The following FSTL4 variants were observed in gnomAD, a reference collection of about 807,000 sequenced individuals.
FSTL4 encodes the protein follistatin-related protein 4.
A neutral mutation model predicts 78.2 loss-of-function variants in FSTL4; 28 were observed. The observed-to-expected ratio is 0.36, with a 90% CI of 0.27 to 0.49. The LOEUF (loss-of-function observed/expected upper bound fraction) is 0.49, where lower values mean the gene tolerates loss of function less well. Ranked by LOEUF, FSTL4 falls within the 20% of genes least tolerant of loss-of-function variation. The probability of loss-of-function intolerance (pLI) is 0.98; values close to 1 mark genes in which losing one functional copy is unlikely to be tolerated. For synonymous variants in FSTL4, 422 were observed against 440.5 expected (o/e 0.96, Z 0.53); for missense variants, 922 against 1,084.9 (o/e 0.85, Z 2.11).
At chr5:133,753,727 G>GTGTGTGTGTGTGTGTA in the FSTL4 span, among the ~76,000 whole-genome samples, 404 of 134,862 alleles carry the variant, frequency 3.0e-3, no homozygotes, top group Non-Finnish European at 3.7e-3. Context: ...GTGTGTGTGT[G>GTGTGTGTGTGTGTGTA]TAGTGGCAGG....
At chr5:133,437,286 G>T (rs188907485) in intron 3 of FSTL4, among the ~76,000 whole-genome samples, 3 of 152,262 alleles carry the variant, frequency 2.0e-5, no homozygotes, top group Non-Finnish European at 2.9e-5. Context: ...CAGAGCAGAG[G>T]TCTAAGTAGG....
chr5:133,778,353 T>G, the FSTL4 span, among the ~76,000 whole-genome samples: 1 of 151,622 alleles, frequency 6.6e-6, no homozygotes, highest in Non-Finnish European at 1.5e-5. Flanking sequence ...AAAAAAAAAA[T>G]GTCCCTTGGG....
At chr5:133,381,974 GGTT>G (rs1246765473) in intron 4 of FSTL4, among the ~76,000 whole-genome samples, 1 of 152,206 alleles carries the variant, frequency 6.6e-6, no homozygotes, top group Non-Finnish European at 1.5e-5. Context: ...AGGAAATGGG[GGTT>G]TAAGTGAATG....
the FSTL4 span, among the ~76,000 whole-genome samples, chr5:133,665,760 A>G: frequency 3.3e-5 from 5 of 152,232 alleles, no homozygotes. Flanking sequence ...GGTACATAAC[A>G]GAGGGGGCTG....
chr5:133,428,061 C>T (rs1580702322), intron 3 of FSTL4, among the ~76,000 whole-genome samples: 1 of 152,140 alleles, frequency 6.6e-6, no homozygotes, highest in Non-Finnish European at 1.5e-5. Flanking sequence ...GTGTGAATAA[C>T]AATACCTCAG....
intron 2 of FSTL4, among the ~76,000 whole-genome samples, chr5:133,577,779 A>G (rs1760315756): frequency 6.6e-6 from 1 of 152,102 alleles, no homozygotes; most frequent in South Asian, 2.1e-4. Flanking sequence ...GGTGGTGCCT[A>G]CCTGTAGTCC....
chr5:133,801,430 C>T, the FSTL4 span, among the ~76,000 whole-genome samples: 11 of 152,230 alleles, frequency 7.2e-5, no homozygotes, highest in African/African-American at 2.7e-4. Flanking sequence ...ACCACCGTGT[C>T]CCAAACCAAT....
chr5:133,493,649 C>T (rs1398242562), intron 3 of FSTL4, among the ~76,000 whole-genome samples: 1 of 152,172 alleles, frequency 6.6e-6, no homozygotes, highest in Non-Finnish European at 1.5e-5. Context: ...GTGGCCCGTG[C>T]TGGGTCTGAC....
In FSTL4 at chr5:133,611,293, A is replaced by T. The variant is rs1306469860; in HGVS notation, c.-11+1032T>A. ...GGAGGCTCGCCGCGCTCTGGAAAAC[A>T]AGAAACCCCACTGCCTCGGCGGCTT... On this transcript the variant is annotated intron_variant, in intron 1 of 15. Transcript: ENST00000265342. This position sits in a 1 kb window ranked among gnomAD's most constrained non-coding sequence, Gnocchi z 4.9. Among the ~76,000 whole-genome samples the T allele has an allele frequency of 6.6e-6, 1 of 152,138 alleles. No individual in the cohort carries two copies. Among genetic ancestry groups the T allele is most frequent in the Non-Finnish European group, 1.5e-5 (1 of 68,008 alleles).
chr5:133,237,714 ATTACT>A (rs1045649093), intron 7 of FSTL4, among the ~76,000 whole-genome samples: 1 of 152,220 alleles, frequency 6.6e-6, no homozygotes, highest in African/African-American at 2.4e-5. Context: ...AGAAGAGAAA[ATTACT>A]TTAACAATTG....
chr5:133,607,302 T>A (rs1396165763), intron 1 of FSTL4, among the ~76,000 whole-genome samples: 2 of 152,188 alleles, frequency 1.3e-5, no homozygotes, highest in Admixed American at 6.5e-5. Context: ...AAAAAGGAAT[T>A]AATATTGGGT....
intron 3 of FSTL4, among the ~76,000 whole-genome samples, chr5:133,434,001 G>A (rs1396631629): frequency 6.6e-6 from 1 of 152,122 alleles, no homozygotes; most frequent in Non-Finnish European, 1.5e-5. Flanking sequence ...GGAAAGCCCT[G>A]GAGGGTTTTA....
At chr5:133,363,504 G>C (rs929970621) in intron 4 of FSTL4, among the ~76,000 whole-genome samples, 13 of 152,076 alleles carry the variant, frequency 8.5e-5, no homozygotes, top group Non-Finnish European at 1.8e-4. Context: ...CCTGACCACC[G>C]CAGCCTGAAG....
At chr5:133,682,983 C>A in the FSTL4 span, among the ~76,000 whole-genome samples, 3 of 152,162 alleles carry the variant, frequency 2.0e-5, no homozygotes, top group Non-Finnish European at 2.9e-5. Context: ...ACCCAAGTGA[C>A]TAATATCAAG....
chr5:133,766,156 G>A, the FSTL4 span, among the ~76,000 whole-genome samples: 1 of 152,144 alleles, frequency 6.6e-6, no homozygotes, highest in African/African-American at 2.4e-5. Context: ...AGCAAACCTT[G>A]GCCTATGGGG....
intron 7 of FSTL4, among the ~76,000 whole-genome samples, chr5:133,235,749 T>C (rs1751641316): frequency 6.6e-6 from 1 of 152,208 alleles, no homozygotes; most frequent in Non-Finnish European, 1.5e-5. Flanking sequence ...TTTTCTACCA[T>C]TCTGCGGAAG....
At chr5:133,823,411 T>C in the FSTL4 span, among the ~76,000 whole-genome samples, 6 of 152,112 alleles carry the variant, frequency 3.9e-5, no homozygotes, top group African/African-American at 1.4e-4. Flanking sequence ...ACTCTCCTCC[T>C]CTCCAGGGGC....
At chr5:133,452,172 C>T (rs1757397173) in intron 3 of FSTL4, among the ~76,000 whole-genome samples, 1 of 152,214 alleles carries the variant, frequency 6.6e-6, no homozygotes, top group Non-Finnish European at 1.5e-5. Context: ...AAGCTGGCTG[C>T]CTGGCCTCAC....
chr5:133,832,055 A>G, the FSTL4 span, among the ~76,000 whole-genome samples: 1 of 152,072 alleles, frequency 6.6e-6, no homozygotes, highest in South Asian at 2.1e-4. Flanking sequence ...AATGACTCGC[A>G]TTTTCTTATT....
Sources: gnomAD v4.1 joint callset for allele counts (sites outside exome capture counted in the v4.1 genomes callset) on GRCh38, gnomAD v4.1.1 for gene constraint, Gnocchi (gnomAD v3.1) non-coding constraint, MANE v1.5 for transcripts, NCBI Gene and HGNC (gene_info 2026-07-23, HGNC 2026-07-21) for gene names.